TAOK3: variants seen among roughly 807,000 people sequenced by gnomAD.
The protein encoded by TAOK3 is TAO kinase 3.
In TAOK3, 40 loss-of-function variants were observed where a neutral mutation model predicts 120.4. The ratio of observed to expected loss-of-function variants is 0.33; its 90% CI spans 0.26 to 0.43. TAOK3 has a LOEUF of 0.43. TAOK3 is among the 20% of genes least tolerant of loss of function. The pLI is 1.00. For missense variants in TAOK3, 821 were observed against 1,112.1 expected, an observed-to-expected ratio of 0.74 and a Z score of 3.72; for synonymous variants, 355 against 387.5, an observed-to-expected ratio of 0.92 and a Z score of 0.99.
chr12:118,308,339 G>A (rs943258825), intron 1 of TAOK3, among the ~76,000 whole-genome samples: 7 of 152,044 alleles, frequency 4.6e-5, no homozygotes, highest in South Asian at 4.2e-4. Context: ...GCAACCCCCC[G>A]GGGCTGCTCT....
At chr12:118,240,178 CTTTT>C (rs57739118) in intron 5 of TAOK3, among the ~76,000 whole-genome samples, 2 of 134,284 alleles carry the variant, frequency 1.5e-5, no homozygotes, top group Admixed American at 7.6e-5. Context: ...TTTCTTTACT[CTTTT>C]TTTTTTTTTT....
intron 14 of TAOK3, among the ~76,000 whole-genome samples, chr12:118,182,624 T>TATATATATATATATATATA (rs371618546): frequency 1.2e-4 from 7 of 59,294 alleles, no homozygotes; most frequent in African/African-American, 2.3e-4. Context: ...TATATATATA[T>TATATATATATATATATATA]TTTTTTTTTT....
chr12:118,251,148 C>T (rs577351301), intron 3 of TAOK3, among the ~76,000 whole-genome samples: 16 of 152,038 alleles, frequency 1.1e-4, no homozygotes, highest in Admixed American at 3.3e-4. Context: ...TCAAGCTCAT[C>T]GAGGTATGCA....
chr12:118,369,255 C>T (rs926169492), intron 1 of TAOK3, among the ~76,000 whole-genome samples: 3 of 152,094 alleles, frequency 2.0e-5, no homozygotes, highest in Non-Finnish European at 4.4e-5. Flanking sequence ...TATAGCTTCT[C>T]GTAGTATAGT....
intron 12 of TAOK3, 47 bp downstream of exon 12, chr12:118,201,249 A>C: frequency 6.5e-7 from 1 of 1,544,682 alleles, no homozygotes; most frequent in Non-Finnish European, 8.8e-7. Context: ...GAACTTTTTC[A>C]CATAGTGGGC....
At chr12:118,280,578 C>T (rs909840237) in intron 1 of TAOK3, among the ~76,000 whole-genome samples, 1 of 152,176 alleles carries the variant, frequency 6.6e-6, no homozygotes, top group East Asian at 1.9e-4. Flanking sequence ...ACCAGTACCA[C>T]GCTCTCTTGG....
intron 1 of TAOK3, chr12:118,297,097 A>G (rs2042711655): frequency 6.6e-6 from 1 of 152,188 alleles, no homozygotes; most frequent in African/African-American, 2.4e-5. Flanking sequence ...CGCATGATTA[A>G]TAAGAATTTT....
chr12:118,328,880 T>C (rs2044035612), intron 1 of TAOK3, among the ~76,000 whole-genome samples: 2 of 152,250 alleles, frequency 1.3e-5, no homozygotes, highest in African/African-American at 4.8e-5. Context: ...AGTAAGTAAC[T>C]ATTTTGCCTG....
intron 1 of TAOK3, among the ~76,000 whole-genome samples, chr12:118,367,702 C>G (rs1424438002): frequency 6.6e-6 from 1 of 151,940 alleles, no homozygotes; most frequent in Non-Finnish European, 1.5e-5. Flanking sequence ...AATTCAAAAA[C>G]TATACATTAC....
At chr12:118,305,404 C>T (rs905318642) in intron 1 of TAOK3, among the ~76,000 whole-genome samples, 2 of 151,922 alleles carry the variant, frequency 1.3e-5, no homozygotes, top group Non-Finnish European at 2.9e-5. Flanking sequence ...ACCTGGGAGG[C>T]GGAGGTTGCA....
At chr12:118,332,644 G>A (rs2044200142) in intron 1 of TAOK3, among the ~76,000 whole-genome samples, 1 of 152,162 alleles carries the variant, frequency 6.6e-6, no homozygotes, top group Admixed American at 6.5e-5. Context: ...CTGTCCTGCT[G>A]TTCATTAAGT....
chr12:118,226,916 T>C (rs1351464751), intron 9 of TAOK3, among the ~76,000 whole-genome samples: 5 of 152,218 alleles, frequency 3.3e-5, no homozygotes, highest in African/African-American at 1.2e-4. Flanking sequence ...TCAACTGCTG[T>C]TGACATTTTA....
intron 1 of TAOK3, among the ~76,000 whole-genome samples, chr12:118,353,070 T>C (rs1246520868): frequency 6.6e-6 from 1 of 152,184 alleles, no homozygotes; most frequent in Non-Finnish European, 1.5e-5. Flanking sequence ...CTCTTCAAAA[T>C]CAGTTTCCTC....
intron 1 of TAOK3, among the ~76,000 whole-genome samples, chr12:118,328,821 T>A (rs188451268): frequency 4.6e-5 from 7 of 152,226 alleles, no homozygotes; most frequent in Non-Finnish European, 1.0e-4. Context: ...AAGTGGATAT[T>A]TTGGCATGAG....
chr12:118,205,176 AT>A (rs1321762577), intron 11 of TAOK3, among the ~76,000 whole-genome samples: 14 of 151,816 alleles, frequency 9.2e-5, no homozygotes, highest in Admixed American at 9.2e-4. Context: ...TTTAAAAAAA[AT>A]AAAAATAATA....
chr12:118,255,400 C>A, intron 3 of TAOK3, 48 bp downstream of exon 3: 1 of 1,602,208 alleles, frequency 6.2e-7, no homozygotes, highest in South Asian at 1.1e-5. Context: ...GCCTAGAGTC[C>A]AACCTTTCTT....
chr12:118,210,787 G>A (rs1201763843), intron 11 of TAOK3, among the ~76,000 whole-genome samples: 1 of 145,522 alleles, frequency 6.9e-6, no homozygotes, highest in Non-Finnish European at 1.5e-5. Flanking sequence ...TGCCCCGGCT[G>A]GAGAGCAGTG....
chr12:118,362,533 G>A (rs1051568588), intron 1 of TAOK3, among the ~76,000 whole-genome samples: 1 of 152,020 alleles, frequency 6.6e-6, no homozygotes, highest in Admixed American at 6.6e-5. Flanking sequence ...AGAAGGATAC[G>A]GTAGGAAAGA....
chr12:118,342,159 T>C (rs1206890559), intron 1 of TAOK3, among the ~76,000 whole-genome samples: 1 of 152,226 alleles, frequency 6.6e-6, no homozygotes, highest in Non-Finnish European at 1.5e-5. Flanking sequence ...ATTTCAGAGT[T>C]GGGAGCAATT....
Sources: allele counts gnomAD v4.1 joint callset (sites outside exome capture counted in the v4.1 genomes callset), GRCh38; gene constraint gnomAD v4.1.1; transcripts MANE v1.5; gene names NCBI Gene and HGNC (gene_info 2026-07-23, HGNC 2026-07-21).